The following KCNIP4 variants were observed in gnomAD, a reference collection of about 807,000 sequenced individuals.
KCNIP4 encodes the protein Kv channel-interacting protein 4.
Under a neutral mutation model 34.0 loss-of-function variants are expected in KCNIP4, and 12 were observed. That is an observed-to-expected ratio of 0.35 (90% CI 0.23 to 0.57). The LOEUF (loss-of-function observed/expected upper bound fraction) is 0.57, where lower values mean the gene tolerates loss of function less well. KCNIP4 is among the 20% of genes least tolerant of loss of function. The pLI is 0.83. For missense variants in KCNIP4, 238 were observed against 311.7 expected (o/e 0.76, Z 1.78); for synonymous variants, 124 against 102.2 (o/e 1.21, Z -1.29).
intron 1 of KCNIP4, among the ~76,000 whole-genome samples, chr4:21,467,716 T>C (rs1029168456): frequency 2.2e-4 from 33 of 152,176 alleles, no homozygotes; most frequent in African/African-American, 7.5e-4. Context: ...TCATATCAGC[T>C]CTGTGGCTTT....
intron 2 of KCNIP4, among the ~76,000 whole-genome samples, chr4:20,858,796 C>T (rs1560520793): frequency 6.6e-6 from 1 of 152,160 alleles, no homozygotes; most frequent in East Asian, 1.9e-4. Context: ...CATTTTAATA[C>T]AGACAGAAGT....
At chr4:21,427,701 G>T (rs1413993392) in intron 1 of KCNIP4, among the ~76,000 whole-genome samples, 10 of 152,168 alleles carry the variant, frequency 6.6e-5, no homozygotes, top group African/African-American at 2.4e-4. Flanking sequence ...GATGAATACA[G>T]TAGAAGGAGT....
chr4:21,921,079 T>A (rs1728915833), intron 1 of KCNIP4, among the ~76,000 whole-genome samples: 1 of 152,208 alleles, frequency 6.6e-6, no homozygotes, highest in Non-Finnish European at 1.5e-5. Flanking sequence ...TCTCTGATAT[T>A]TTTTTCAATT....
intron 1 of KCNIP4, among the ~76,000 whole-genome samples, chr4:21,250,358 T>C (rs1760614931): frequency 1.3e-5 from 2 of 152,180 alleles, no homozygotes; most frequent in Admixed American, 1.3e-4. Flanking sequence ...CACAATTATT[T>C]GTGTATTCAG....
intron 1 of KCNIP4, among the ~76,000 whole-genome samples, chr4:20,908,742 G>A (rs1401536924): frequency 2.0e-5 from 3 of 152,146 alleles, no homozygotes; most frequent in Non-Finnish European, 4.4e-5. Context: ...TGTAGAACTC[G>A]ATATAGAGTT....
chr4:21,652,098 A>G (rs1459276), intron 1 of KCNIP4, among the ~76,000 whole-genome samples: 47,420 of 151,978 alleles, frequency 0.31, 8,898 homozygotes, highest in East Asian at 0.91. Flanking sequence ...TTATTTGCTC[A>G]TCCATCTAAT....
At chr4:20,862,197 G>C (rs1722276543) in intron 2 of KCNIP4, among the ~76,000 whole-genome samples, 2 of 151,828 alleles carry the variant, frequency 1.3e-5, no homozygotes, top group South Asian at 4.2e-4. Context: ...CGCTATGTTG[G>C]CCAGGCTGGT....
At position 21,776,613 on chromosome 4, in the gene KCNIP4, G is replaced by A. The variant is rs149326147; in HGVS notation, c.61+171958C>T. Among the ~76,000 whole-genome samples the A allele has an allele frequency of 2.8e-3, 431 of 152,196 alleles. 3 individuals are homozygous for A. Among genetic ancestry groups the A allele is most frequent in the African/African-American group, 9.6e-3 (399 of 41,518 alleles). ...TTAATGATCTCAAAGATGTTGATAT[G>A]GTTAGGCTTTGTGTCCCCACCCAAA... is the stretch of plus-strand genomic sequence containing the variant. On this transcript the variant is annotated intron_variant, in intron 1 of 8. Transcript: ENST00000382152.
At chr4:21,389,203 A>G (rs1722310734) in intron 1 of KCNIP4, among the ~76,000 whole-genome samples, 1 of 152,028 alleles carries the variant, frequency 6.6e-6, no homozygotes. Context: ...CAGTTCTGAA[A>G]GTCCTGGGCT....
chr4:21,673,902 A>G (rs1749685147), intron 1 of KCNIP4, among the ~76,000 whole-genome samples: 1 of 152,234 alleles, frequency 6.6e-6, no homozygotes, highest in Admixed American at 6.5e-5. Context: ...CTTAATTGTC[A>G]GTTAATTGAC....
At chr4:21,297,334 C>T (rs1763901180) in intron 1 of KCNIP4, among the ~76,000 whole-genome samples, 2 of 151,968 alleles carry the variant, frequency 1.3e-5, no homozygotes, top group African/African-American at 4.8e-5. Flanking sequence ...AGGTGAAAAA[C>T]ACCTCAATTT....
intron 1 of KCNIP4, chr4:21,846,811 T>A (rs1374240182): frequency 6.6e-6 from 1 of 152,110 alleles, no homozygotes; most frequent in African/African-American, 2.4e-5. Flanking sequence ...AAATGGTAAG[T>A]GGCAACCCCA....
intron 1 of KCNIP4, among the ~76,000 whole-genome samples, chr4:20,943,120 T>C (rs1731815728): frequency 2.2e-5 from 1 of 45,300 alleles, no homozygotes; most frequent in Admixed American, 2.2e-4. Flanking sequence ...AATGCAGGCA[T>C]TGCATTTTTT....
chr4:21,023,201 ATAGT>A (rs1320046323), intron 1 of KCNIP4, among the ~76,000 whole-genome samples: 1 of 152,222 alleles, frequency 6.6e-6, no homozygotes, highest in Non-Finnish European at 1.5e-5. Flanking sequence ...CATTATAAAT[ATAGT>A]TAAAGACCTA....
chr4:21,740,158 A>G (rs1012295116), intron 1 of KCNIP4, among the ~76,000 whole-genome samples: 1 of 152,148 alleles, frequency 6.6e-6, no homozygotes, highest in African/African-American at 2.4e-5. Flanking sequence ...AAGAAAATAT[A>G]TGTATATATG....
intron 1 of KCNIP4, among the ~76,000 whole-genome samples, chr4:21,386,625 G>A (rs972513918): frequency 2.0e-5 from 3 of 152,124 alleles, no homozygotes; most frequent in Non-Finnish European, 2.9e-5. Context: ...GGAACATTTA[G>A]TCCCAGCCTT....
intron 1 of KCNIP4, among the ~76,000 whole-genome samples, chr4:21,300,301 T>C (rs915157123): frequency 1.3e-5 from 2 of 152,126 alleles, no homozygotes. Context: ...AAAAAGGCAA[T>C]TTACTGTTGT....
intron 1 of KCNIP4, among the ~76,000 whole-genome samples, chr4:21,236,064 G>A (rs536844677): frequency 3.3e-5 from 5 of 152,294 alleles, no homozygotes; most frequent in African/African-American, 2.4e-5. Context: ...GGAGGCTGAG[G>A]CAGGCAGATC....
chr4:21,682,891 C>T (rs1750486928), intron 1 of KCNIP4, among the ~76,000 whole-genome samples: 1 of 152,092 alleles, frequency 6.6e-6, no homozygotes, highest in Non-Finnish European at 1.5e-5. Context: ...CGATAGTAAC[C>T]TCAAAGATCA....
Sources: gnomAD v4.1 joint callset for allele counts (sites outside exome capture counted in the v4.1 genomes callset) on GRCh38, gnomAD v4.1.1 for gene constraint, MANE v1.5 for transcripts, NCBI Gene and HGNC (gene_info 2026-07-23, HGNC 2026-07-21) for gene names.